LIG1: variants seen among roughly 807,000 people sequenced by gnomAD.
The protein encoded by LIG1 is ligase I, DNA, ATP-dependent.
In LIG1, 70 loss-of-function variants were observed where a neutral mutation model predicts 115.7. The observed-to-expected ratio is 0.60, with a 90% CI of 0.50 to 0.74. LIG1 has a LOEUF of 0.74. LIG1 is among the 30% of genes least tolerant of loss of function. The pLI, the probability that LIG1 is intolerant of heterozygous loss-of-function variation, is 0.00. For synonymous variants in LIG1, 487 were observed against 495.3 expected (o/e 0.98, Z 0.22); for missense variants, 1,115 against 1,225.6 (o/e 0.91, Z 1.35).
intron 5 of LIG1, among the ~76,000 whole-genome samples, chr19:48,155,865 G>C (rs1009005017): frequency 1.3e-5 from 2 of 152,186 alleles, no homozygotes; most frequent in Admixed American, 6.5e-5. Context: ...TGTGGAAAAA[G>C]TGCAAAGTCT....
At chr19:48,165,506 G>C (rs200053880) in intron 2 of LIG1, 44 bp downstream of exon 2, 12 of 1,360,886 alleles carry the variant, frequency 8.8e-6, no homozygotes, top group Non-Finnish European at 1.2e-5. Flanking sequence ...AAGAAACAGA[G>C]GACTTGGAGA....
intron 4 of LIG1, among the ~76,000 whole-genome samples, chr19:48,157,689 C>T (rs1370119486): frequency 5.3e-5 from 8 of 152,066 alleles, no homozygotes; most frequent in South Asian, 2.1e-4. Context: ...GGATAACAGG[C>T]GCCCGCCACC....
chr19:48,119,075 A>T, intron 25 of LIG1, 62 bp downstream of exon 25: 1 of 1,323,210 alleles, frequency 7.6e-7, no homozygotes, highest in Non-Finnish European at 1.1e-6. Context: ...GCATGGAAGG[A>T]CTGTGCTGTC....
chr19:48,153,920 G>A lies in LIG1; in HGVS notation c.418C>T (p.Gln140Ter). 2 of 1,612,660 alleles carry A rather than the reference G, an allele frequency of 1.2e-6. No homozygotes were observed. The highest frequency in any genetic ancestry group is 8.5e-7 in the Non-Finnish European group (1 of 1,179,482). Residue 140 changes from glutamine to a stop codon, truncating the protein, a stop_gained, in exon 6 of 28, where the codon CAG (glutamine) becomes TAG (stop). Transcript: ENST00000263274. LOFTEE classifies it high-confidence loss of function. ...KRTIQEVLEE[Q>*]SEDEDREAKR... ...GCTTCTCTGTCCTCGTCCTCACTCTGCTCTTCCAGGACTTCCTGAATGGTC... is the reference window on the plus strand; with the variant it reads ...GCTTCTCTGTCCTCGTCCTCACTCTACTCTTCCAGGACTTCCTGAATGGTC...
At chr19:48,135,417 T>C (rs2122597970) in intron 16 of LIG1, among the ~76,000 whole-genome samples, 1 of 152,318 alleles carries the variant, frequency 6.6e-6, no homozygotes. Context: ...CCACTGTGCC[T>C]GGCCGCTGCC....
Position 48,127,264 on chromosome 19 carries a change from A to C in LIG1, c.2004+13T>G. On this transcript the variant is annotated intron_variant, in intron 21 of 27. Coordinates refer to ENST00000263274, the MANE Select transcript of LIG1 (RefSeq NM_000234.3). ...ACCCCTCAGCTGCCCCTGGACAGGA[A>C]GCTGGAACTCACCTCTCCATTGAGG... 6.2e-7 allele frequency: 1 copy of C among 1,611,648 alleles called. No individual in the cohort carries two copies. Among genetic ancestry groups the C allele is most frequent in the Non-Finnish European group, 8.5e-7 (1 of 1,178,070 alleles).
At chr19:48,158,464 C>T (rs572377304) in intron 4 of LIG1, among the ~76,000 whole-genome samples, 3 of 152,238 alleles carry the variant, frequency 2.0e-5, no homozygotes, top group Admixed American at 2.0e-4. Context: ...CCACTGCTAC[C>T]GTGTCTCGGT....
intron 9 of LIG1, among the ~76,000 whole-genome samples, chr19:48,149,494 G>C (rs2035332097): frequency 6.6e-6 from 1 of 152,178 alleles, no homozygotes; most frequent in South Asian, 2.1e-4. Flanking sequence ...GAGGATGAAA[G>C]ACTGGAGGCA....
chr19:48,123,596 C>T (rs1468461340), intron 21 of LIG1: 15 of 515,692 alleles, frequency 2.9e-5, no homozygotes, highest in Admixed American at 6.4e-5. Context: ...TAACACTTTA[C>T]GGGCATCTCA....
intron 24 of LIG1, chr19:48,120,207 CG>C (rs1304279276): frequency 1.0e-6 from 1 of 985,364 alleles, no homozygotes; most frequent in Non-Finnish European, 1.2e-6. Flanking sequence ...CACACAGCCA[CG>C]GGGAGCTGGT....
intron 2 of LIG1, among the ~76,000 whole-genome samples, chr19:48,163,352 G>A (rs1165694517): frequency 6.6e-6 from 1 of 152,078 alleles, no homozygotes; most frequent in East Asian, 1.9e-4. Context: ...CTCCTGAGTA[G>A]CTGAGATTAC....
chr19:48,135,572 T>C, intron 16 of LIG1, 108 bp downstream of exon 16: 2 of 880,278 alleles, frequency 2.3e-6, no homozygotes, highest in South Asian at 2.6e-5. Flanking sequence ...GCACTCGTGA[T>C]GCCTGTCCGT....
chr19:48,120,203 G>GCCA, intron 24 of LIG1: 1 of 985,430 alleles, frequency 1.0e-6, no homozygotes, highest in Non-Finnish European at 1.2e-6. Context: ...TCCCCACACA[G>GCCA]CCACGGGGAG....
In LIG1 at chr19:48,117,724, C is replaced by G. The variant is rs747656528; in HGVS notation, c.2497G>C (p.Asp833His). 2.7e-5 allele frequency: 43 copies of G among 1,612,858 alleles called. No individual in the cohort carries two copies. Among genetic ancestry groups the G allele is most frequent in the Non-Finnish European group, 3.6e-5 (42 of 1,179,756 alleles). ...YVRIDGAVIP[D>H]HWLDPSAVWE... is the part of the protein sequence containing the mutation. ...ACAGCGCTGGGGTCCAGCCAGTGGT[C>G]GGGAATCACAGCGCCATCTATCCGC... Residue 833 changes from aspartate (D) to histidine (H), a missense_variant, in exon 26 of 28, where the codon GAC becomes CAC. Physicochemically the swap from Asp to His is moderately conservative, Grantham distance 81. Transcript: ENST00000263274.
intron 12 of LIG1, 91 bp downstream of exon 12, chr19:48,139,880 C>G: frequency 6.9e-7 from 1 of 1,443,122 alleles, no homozygotes; most frequent in Non-Finnish European, 9.7e-7. Flanking sequence ...TTCACAGCCT[C>G]TCTCCACCAT....
intron 16 of LIG1, 40 bp downstream of exon 16, chr19:48,135,640 C>A: frequency 6.5e-7 from 1 of 1,531,766 alleles, no homozygotes; most frequent in South Asian, 1.1e-5. Flanking sequence ...GGCACTCTGC[C>A]CACAGCCCCT....
intron 1 of LIG1, among the ~76,000 whole-genome samples, chr19:48,167,573 T>A (rs1296897875): frequency 6.6e-6 from 1 of 152,042 alleles, no homozygotes; most frequent in Non-Finnish European, 1.5e-5. Flanking sequence ...ACGCCTGTAC[T>A]CCCAGCACTT....
Position 48,137,055 on chromosome 19 carries a change from T to G in LIG1, c.1284A>C (p.Lys428Asn). 1.9e-6 allele frequency: 3 copies of G among 1,612,698 alleles called. No homozygotes were observed. The highest frequency in any genetic ancestry group is 2.5e-6 in the Non-Finnish European group (3 of 1,179,606). The part of the protein sequence containing the change: ...ASTAKKIDII[K>N]GLFVACRHSE... ...AGTGGCGGCAGGCCACAAAGAGGCC[T>G]TTGATGATGTCTATCTTCTTGGCTG... The change falls in exon 14 of 28, where the codon AAA becomes AAC. Residue 428 changes from lysine to asparagine, a missense_variant. Lys to Asn is a moderately conservative substitution (Grantham distance 94). Transcript: ENST00000263274. The surrounding 1 kb of genome is among the most constrained non-coding windows in gnomAD (Gnocchi z 4.3).
At chr19:48,133,297 CAT>C in intron 17 of LIG1, 200 bp from the exon 18 acceptor site, 1 of 596,808 alleles carries the variant, frequency 1.7e-6, no homozygotes. Flanking sequence ...TGGGAAAGGC[CAT>C]GTGATTGGAA....
Sources: allele counts gnomAD v4.1 joint callset (sites outside exome capture counted in the v4.1 genomes callset), GRCh38; gene constraint gnomAD v4.1.1; non-coding constraint Gnocchi (gnomAD v3.1); transcripts MANE v1.5; gene names NCBI Gene and HGNC (gene_info 2026-07-23, HGNC 2026-07-21).